ACSF3: variants seen among roughly 807,000 people sequenced by gnomAD.
ACSF3 encodes the protein acyl-CoA synthetase family member 3.
A neutral mutation model predicts 53.2 loss-of-function variants in ACSF3; 78 were observed. The observed-to-expected ratio is 1.47, with a 90% confidence interval of 1.22 to 1.77. The LOEUF (loss-of-function observed/expected upper bound fraction) is 1.77. ACSF3 is among the 40% of genes most tolerant of loss of function. ACSF3 has a pLI of 0.00. For synonymous variants in ACSF3, 414 were observed against 333.1 expected, an observed-to-expected ratio of 1.24 and a Z score of -2.65; for missense variants, 937 against 771.1, an observed-to-expected ratio of 1.22 and a Z score of -2.55.
Position 89,115,483 on chromosome 16 carries a change from G to A in ACSF3, c.1126+996G>A, listed in dbSNP as rs566147688. 3.3e-5 allele frequency among the ~76,000 whole-genome samples: 5 copies of A among 152,346 alleles called. No homozygotes were observed. In the East Asian group the frequency reaches 7.7e-4, roughly 23 times the overall value. ...CCACAGTCAACTGCCTGTGCTGTGT[G>A]CGTCAGAGCCCGCGCCTTTCCCTGC... On this transcript the variant is annotated intron_variant, in intron 6 of 10. Coordinates refer to ENST00000614302, the MANE Select transcript of ACSF3 (RefSeq NM_001243279.3).
intron 7 of ACSF3, among the ~76,000 whole-genome samples, chr16:89,123,274 A>G (rs1464113282): frequency 6.6e-6 from 1 of 152,186 alleles, no homozygotes; most frequent in Non-Finnish European, 1.5e-5. Flanking sequence ...TGGGCGCCCC[A>G]GGACAACCAG....
At chr16:89,112,900 G>A (rs1904316817) in intron 5 of ACSF3, among the ~76,000 whole-genome samples, 3 of 152,218 alleles carry the variant, frequency 2.0e-5, no homozygotes, top group African/African-American at 4.8e-5. Flanking sequence ...CCTGGGGCAC[G>A]TTCTGCTGCT....
Position 89,102,781 on chromosome 16 carries a change from C to T in ACSF3, c.822+22C>T, listed in dbSNP as rs76192225. 8.5e-4 allele frequency: 1,357 copies of T among 1,600,744 alleles called. 13 individuals carry two copies. The African/African-American group carries it at 0.015, about 18-fold the overall frequency. On this transcript the variant is annotated intron_variant, in intron 4 of 10. Coordinates refer to ENST00000614302, the MANE Select transcript of ACSF3 (RefSeq NM_001243279.3). ...GCAGGTGAGTTGGGGTCAGGGCTCT[C>T]GGTTGCACCCTCAGACTAGGCGCCT...
chr16:89,110,875 G>A (rs749071769), intron 4 of ACSF3, among the ~76,000 whole-genome samples: 4 of 152,070 alleles, frequency 2.6e-5, no homozygotes, highest in East Asian at 1.9e-4. Context: ...GCTGTCTCCC[G>A]CACTCTGGTC....
chr16:89,149,180 C>T (rs1327835024), intron 10 of ACSF3: 1 of 152,212 alleles, frequency 6.6e-6, no homozygotes, highest in East Asian at 1.9e-4. Flanking sequence ...TCGCTATTAG[C>T]ATTTTAGTCA....
chr16:89,137,790 C>T (rs1306588389), intron 8 of ACSF3, among the ~76,000 whole-genome samples: 1 of 152,176 alleles, frequency 6.6e-6, no homozygotes, highest in Non-Finnish European at 1.5e-5. Context: ...CCAGGTGGCC[C>T]CATCCCCCAA....
At chr16:89,121,054 G>A in intron 7 of ACSF3, 141 bp downstream of exon 7, 1 of 735,124 alleles carries the variant, frequency 1.4e-6, no homozygotes, top group South Asian at 1.7e-5. Context: ...GCAGGTGCTG[G>A]CTGGTGTTGC....
chr16:89,138,784 G>A (rs1176178011), intron 8 of ACSF3, among the ~76,000 whole-genome samples: 6 of 152,252 alleles, frequency 3.9e-5, no homozygotes, highest in Admixed American at 1.3e-4. Context: ...CCCACGAGGC[G>A]GCCATGGTCT....
rs373376879 is a variant in ACSF3 at position 89,114,288 on chromosome 16, G to A, written c.978-51G>A. On this transcript the variant is annotated intron_variant, in intron 5 of 10. Coordinates refer to ENST00000614302, the MANE Select transcript of ACSF3 (RefSeq NM_001243279.3). ...GGGGCTAAACCTGCCACCTTTGCAC[G>A]CGAGAGCCACGTCCCAAGGGGCTAA... is the stretch of plus-strand genomic sequence containing the variant. 97 of 1,610,110 alleles carry A rather than the reference G, an allele frequency of 6.0e-5. No homozygotes were observed. In the Admixed American group the frequency reaches 1.4e-3, roughly 23 times the overall value.
At chr16:89,131,071 T>C (rs1019029713) in intron 7 of ACSF3, among the ~76,000 whole-genome samples, 2 of 151,832 alleles carry the variant, frequency 1.3e-5, no homozygotes, top group African/African-American at 4.8e-5. Context: ...TGAGACTTTC[T>C]GTTTTTCCAT....
chr16:89,107,918 C>A (rs1244242500), intron 4 of ACSF3, among the ~76,000 whole-genome samples: 1 of 152,142 alleles, frequency 6.6e-6, no homozygotes, highest in African/African-American at 2.4e-5. Context: ...TAAAGACATA[C>A]CCAAGACAGG....
At chr16:89,119,225 G>A (rs893446949) in intron 6 of ACSF3, among the ~76,000 whole-genome samples, 1 of 152,222 alleles carries the variant, frequency 6.6e-6, no homozygotes, top group Non-Finnish European at 1.5e-5. Flanking sequence ...GGTGTGGGAC[G>A]GCCACACGGC....
chr16:89,102,808 TCC>T (rs1199114594), intron 4 of ACSF3, 49 bp downstream of exon 4: 27 of 1,521,520 alleles, frequency 1.8e-5, no homozygotes, highest in Middle Eastern at 1.7e-4. Context: ...TAGGCGCCTT[TCC>T]CCTGTCGGGG....
intron 5 of ACSF3, 114 bp from the exon 6 acceptor site, chr16:89,114,225 A>G: frequency 6.8e-7 from 1 of 1,462,018 alleles, no homozygotes; most frequent in East Asian, 2.4e-5. Context: ...GCACTCGTGA[A>G]GGAGCTGCCA....
At chr16:89,122,359 C>A (rs747541949) in intron 7 of ACSF3, 4 of 432,358 alleles carry the variant, frequency 9.3e-6, no homozygotes, top group South Asian at 6.5e-5. Flanking sequence ...TACCCACCTC[C>A]CCTGCCCTCT....
rs763152682 is a variant in ACSF3 at position 89,128,290 on chromosome 16, C to T, written c.1240-4846C>T. 8.1e-5 allele frequency among the ~76,000 whole-genome samples: 12 copies of T among 148,190 alleles called. No homozygotes were observed. The South Asian group carries it at 8.5e-4, about 11-fold the overall frequency. Reference sequence around the variant, plus strand: ...TTTTTTTTTTTTTGAGACGGAGTTTCGCTCTCGTTGCCCAGGCTGGAGTGC... The same window carrying T: ...TTTTTTTTTTTTTGAGACGGAGTTTTGCTCTCGTTGCCCAGGCTGGAGTGC... On this transcript the variant is annotated intron_variant, in intron 7 of 10. Coordinates refer to ENST00000614302, the MANE Select transcript of ACSF3 (RefSeq NM_001243279.3).
intron 4 of ACSF3, 103 bp downstream of exon 4, chr16:89,102,862 T>G: frequency 2.0e-6 from 3 of 1,508,572 alleles, no homozygotes; most frequent in Non-Finnish European, 2.7e-6. Context: ...CGCCTTTCGC[T>G]GGTTGGGGTC....
intron 4 of ACSF3, among the ~76,000 whole-genome samples, chr16:89,105,297 C>G (rs998031406): frequency 6.6e-6 from 1 of 152,180 alleles, no homozygotes; most frequent in African/African-American, 2.4e-5. Context: ...TGCTCCAGGC[C>G]TTCCTGGCTC....
At chr16:89,144,662 C>T (rs1912544320) in intron 8 of ACSF3, among the ~76,000 whole-genome samples, 1 of 152,252 alleles carries the variant, frequency 6.6e-6, no homozygotes, top group Non-Finnish European at 1.5e-5. Flanking sequence ...CCAGAGCAGC[C>T]TGCCTGCATG....
Sources: allele counts gnomAD v4.1 joint callset (sites outside exome capture counted in the v4.1 genomes callset), GRCh38; gene constraint gnomAD v4.1.1; transcripts MANE v1.5; gene names NCBI Gene and HGNC (gene_info 2026-07-23, HGNC 2026-07-21).